FAM186B: variants seen among roughly 807,000 people sequenced by gnomAD.
The protein encoded by FAM186B is protein FAM186B.
Under a neutral mutation model 83.4 loss-of-function variants are expected in FAM186B, and 68 were observed. The ratio of observed to expected loss-of-function variants is 0.81; its 90% CI spans 0.67 to 1.00. The LOEUF is 1.00. Ranked by LOEUF, FAM186B falls within the 50% of genes least tolerant of loss-of-function variation. The pLI is 0.00. For missense variants in FAM186B, 983 were observed against 1,099.2 expected (o/e 0.89, Z 1.49); for synonymous variants, 389 against 422.0 (o/e 0.92, Z 0.96).
intron 1 of FAM186B, chr12:49,605,085 C>G: frequency 1.0e-6 from 1 of 961,166 alleles, no homozygotes; most frequent in Non-Finnish European, 1.4e-6. Flanking sequence ...TGGGTCCTTT[C>G]TCCTGCCCTC....
chr12:49,603,964 C>T (rs1208918878), intron 2 of FAM186B, among the ~76,000 whole-genome samples: 1 of 152,206 alleles, frequency 6.6e-6, no homozygotes, highest in African/African-American at 2.4e-5. Context: ...ACCAGTTGCT[C>T]ACAGCTGGCA....
intron 5 of FAM186B, among the ~76,000 whole-genome samples, chr12:49,595,898 G>A (rs1269199823): frequency 2.0e-5 from 3 of 152,208 alleles, no homozygotes; most frequent in African/African-American, 7.2e-5. Context: ...GGCAGAAAAT[G>A]GCGTGAACCT....
At chr12:49,615,931 G>C in the FAM186B span, among the ~76,000 whole-genome samples, 1 of 152,094 alleles carries the variant, frequency 6.6e-6, no homozygotes, top group Non-Finnish European at 1.5e-5. Context: ...ATGATAAAAA[G>C]TGTGACAATA....
At chr12:49,616,232 G>A in the FAM186B span, among the ~76,000 whole-genome samples, 1 of 152,152 alleles carries the variant, frequency 6.6e-6, no homozygotes, top group Non-Finnish European at 1.5e-5. Context: ...GTTTCACCAT[G>A]ATGGCTAGGC....
At position 49,599,660 on chromosome 12, in the gene FAM186B, C is replaced by G; in HGVS notation, c.1980G>C (p.Lys660Asn). ...LQISPANIKKKVYHMDMEAQR... is the reference protein window; with the variant it reads ...LQISPANIKKNVYHMDMEAQR... ...GGGCCTCCATGTCCATGTGGTACAC[C>G]TTCTTCTTAATATTTGCAGGGGATA... The change falls in exon 4 of 7, where the codon AAG becomes AAC. Residue 660 changes from lysine to asparagine, a missense_variant. Transcript: ENST00000257894. 2 of 1,605,476 alleles carry G rather than the reference C, an allele frequency of 1.2e-6. No individual in the cohort carries two copies. Among genetic ancestry groups the G allele is most frequent in the Non-Finnish European group, 1.7e-6 (2 of 1,175,820 alleles).
At chr12:49,595,185 T>C in intron 5 of FAM186B, 1 of 533,000 alleles carries the variant, frequency 1.9e-6, no homozygotes, top group Non-Finnish European at 3.5e-6. Flanking sequence ...ACGGTCATCC[T>C]GTAGATGTCA....
chr12:49,621,177 G>C, the FAM186B span, among the ~76,000 whole-genome samples: 4 of 152,328 alleles, frequency 2.6e-5, no homozygotes, highest in East Asian at 7.7e-4. Flanking sequence ...GAGCTCAGGA[G>C]TTCAAGTCCA....
upstream of FAM186B, among the ~76,000 whole-genome samples, chr12:49,610,102 G>C (rs1167454640): frequency 1.3e-5 from 2 of 149,950 alleles, no homozygotes; most frequent in Non-Finnish European, 3.0e-5. Context: ...ATTCTCTACA[G>C]TCATTACCCC....
the FAM186B span, among the ~76,000 whole-genome samples, chr12:49,618,354 AAAG>A: frequency 1.8e-3 from 272 of 152,166 alleles, no homozygotes; most frequent in African/African-American, 6.1e-3. Flanking sequence ...AAAAAAAAAA[AAAG>A]AAGCTCATGA....
At chr12:49,622,317 G>C in the FAM186B span, among the ~76,000 whole-genome samples, 1 of 151,300 alleles carries the variant, frequency 6.6e-6, no homozygotes, top group Non-Finnish European at 1.5e-5. Context: ...AGGACCCAGC[G>C]TGGGCAGTAC....
chr12:49,598,772 C>T lies in FAM186B; in HGVS notation c.2347G>A (p.Val783Met). 1.2e-6 allele frequency: 2 copies of T among 1,609,706 alleles called. No homozygotes were observed. Among genetic ancestry groups the T allele is most frequent in the Middle Eastern group, 1.8e-4 (1 of 5,414 alleles). Residue 783 changes from valine (V) to methionine (M), a missense_variant, in exon 5 of 7, where the codon GTG becomes ATG. By Grantham distance (21) the Val-to-Met change is conservative. Transcript: ENST00000257894. ...EKHRECLSSM[V>M]TMFPKLQLEW... Reference sequence around the variant, plus strand: ...AGGCCCACCTTGGGGAACATGGTCACCATGCTGCTCAGGCACTCTCGGTGC... The same window carrying T: ...AGGCCCACCTTGGGGAACATGGTCATCATGCTGCTCAGGCACTCTCGGTGC...
chr12:49,612,856 A>G, the FAM186B span, among the ~76,000 whole-genome samples: 1 of 152,180 alleles, frequency 6.6e-6, no homozygotes, highest in South Asian at 2.1e-4. Context: ...GAAATTCAGG[A>G]CTTAAATTCG....
chr12:49,584,404 T>G (rs1258723335), downstream of FAM186B: 8 of 680,770 alleles, frequency 1.2e-5, no homozygotes, highest in South Asian at 9.2e-5. Context: ...AAGCACCAGC[T>G]GGGAACCTGC....
chr12:49,590,213 GGCCCATA>G (rs1939552223), intron 5 of FAM186B, among the ~76,000 whole-genome samples: 1 of 151,930 alleles, frequency 6.6e-6, no homozygotes, highest in African/African-American at 2.4e-5. Flanking sequence ...AGTGGTGTAT[GGCCCATA>G]GATTAGTAAT....
At chr12:49,586,407 C>T (rs529087998), downstream of FAM186B, among the ~76,000 whole-genome samples, 1 of 152,236 alleles carries the variant, frequency 6.6e-6, no homozygotes, top group African/African-American at 2.4e-5. Flanking sequence ...AAGTTACTGA[C>T]GTCATGAGTG....
the FAM186B span, among the ~76,000 whole-genome samples, chr12:49,617,735 G>T: frequency 6.6e-6 from 1 of 152,002 alleles, no homozygotes; most frequent in Non-Finnish European, 1.5e-5. Flanking sequence ...GGTAAAAAAT[G>T]GTAGATTGAA....
the FAM186B span, among the ~76,000 whole-genome samples, chr12:49,610,803 A>AAG: frequency 3.3e-5 from 5 of 151,974 alleles, no homozygotes; most frequent in South Asian, 8.3e-4. Flanking sequence ...AAAAAAAAAA[A>AAG]AAAGAAAAAC....
At chr12:49,621,194 C>A in the FAM186B span, among the ~76,000 whole-genome samples, 3 of 152,100 alleles carry the variant, frequency 2.0e-5, no homozygotes, top group Non-Finnish European at 4.4e-5. Context: ...TCCAGCCTGG[C>A]CAGCATGGTG....
At position 49,598,762 on chromosome 12, in the gene FAM186B, A is replaced by G. The variant is rs1207550348; in HGVS notation, c.2357T>C (p.Phe786Ser). ...RECLSSMVTM[F>S]PKLQLEWNVH... ...TCAGGGCGGGAGGCCCACCTTGGGG[A>G]ACATGGTCACCATGCTGCTCAGGCA... Residue 786 changes from phenylalanine to serine, a missense_variant, in exon 5 of 7, where the codon TTC becomes TCC. Transcript: ENST00000257894. 1.2e-6 allele frequency: 2 copies of G among 1,604,060 alleles called. No homozygotes were observed. The highest frequency in any genetic ancestry group is 1.7e-6 in the Non-Finnish European group (2 of 1,177,784).
Sources: allele counts gnomAD v4.1 joint callset (sites outside exome capture counted in the v4.1 genomes callset), GRCh38; gene constraint gnomAD v4.1.1; transcripts MANE v1.5; gene names NCBI Gene and HGNC (gene_info 2026-07-23, HGNC 2026-07-21).